Variants in ACCS observed in about 807,000 individuals in gnomAD.
ACCS encodes the protein 1-aminocyclopropane-1-carboxylate synthase homolog (inactive).
A neutral mutation model predicts 59.8 loss-of-function variants in ACCS; 42 were observed. That is an observed-to-expected ratio of 0.70 (90% confidence interval 0.55 to 0.91). The LOEUF is 0.91. Among genes scored for constraint, ACCS ranks in the 40% least tolerant of loss-of-function variants. The probability of loss-of-function intolerance (pLI) is 0.00; values close to 1 mark genes in which losing one functional copy is unlikely to be tolerated. For synonymous variants in ACCS, 230 were observed against 240.3 expected (o/e 0.96, Z 0.40); for missense variants, 602 against 630.4 (o/e 0.95, Z 0.48).
intron 7 of ACCS, 198 bp downstream of exon 7, chr11:44,077,574 T>G: frequency 6.9e-7 from 1 of 1,439,436 alleles, no homozygotes; most frequent in Non-Finnish European, 9.1e-7. Context: ...TCCCTGGGGT[T>G]GATGTAGAAG....
In ACCS at chr11:44,083,867, G is replaced by C. The variant is rs983405249; in HGVS notation, c.*75G>C. The C allele has an allele frequency of 1.3e-6, 2 of 1,541,118 alleles. No homozygotes were observed. The highest frequency in any genetic ancestry group is 2.7e-5 in the African/African-American group (2 of 72,898). ...GGGCGTTCTGGGGCTGCAGAAGACT[G>C]ACTGTGGATGTGCCATTTGCCAGGA... On this transcript the variant is annotated 3_prime_UTR_variant, in exon 15 of 15. Coordinates refer to ENST00000263776, the MANE Select transcript of ACCS (RefSeq NM_032592.4).
intron 10 of ACCS, chr11:44,080,584 AGCCAG>A: frequency 1.6e-5 from 3 of 182,760 alleles, no homozygotes; most frequent in South Asian, 1.3e-4. Flanking sequence ...TTTAATTTCT[AGCCAG>A]AAAAACCATT....
rs1340134745 is a variant in ACCS at position 44,067,975 on chromosome 11, C to T, written c.288+60C>T. ...GAGAACTGCAGGGTGGGGTACCCTACCTTGACCAATAAGGCAGCATCCAGC... is the reference window on the plus strand; with the variant it reads ...GAGAACTGCAGGGTGGGGTACCCTATCTTGACCAATAAGGCAGCATCCAGC... On this transcript the variant is annotated intron_variant, in intron 2 of 14. Coordinates refer to ENST00000263776, the MANE Select transcript of ACCS (RefSeq NM_032592.4). 6.6e-6 allele frequency: 10 copies of T among 1,510,824 alleles called. No individual in the cohort carries two copies. In the Admixed American group the frequency reaches 1.3e-4, roughly 20 times the overall value. The allele number at this position is 1,510,824 out of a possible 1,614,324, so 93.6% of individuals were successfully genotyped here. A position where few individuals can be genotyped will look rare whatever the true frequency, so the allele number is the denominator to read the frequency against.
chr11:44,076,299 G>A (rs1474440483), intron 6 of ACCS, among the ~76,000 whole-genome samples: 1 of 152,216 alleles, frequency 6.6e-6, no homozygotes, highest in Admixed American at 6.5e-5. Context: ...GAGAATATTA[G>A]TAACATTTAT....
intron 2 of ACCS, among the ~76,000 whole-genome samples, chr11:44,070,803 A>G (rs1011542028): frequency 6.6e-6 from 1 of 152,178 alleles, no homozygotes; most frequent in Non-Finnish European, 1.5e-5. Context: ...TACCATCTCT[A>G]TTCTTTCATT....
intron 12 of ACCS, 135 bp from the exon 13 acceptor site, chr11:44,083,034 C>T (rs1953709638): frequency 1.7e-6 from 2 of 1,200,264 alleles, no homozygotes; most frequent in Admixed American, 2.0e-5. Context: ...TCCTTCCCAC[C>T]ACAGCAGCCA....
At chr11:44,078,559 G>A in intron 8 of ACCS, 125 bp from the exon 9 acceptor site, 1 of 659,668 alleles carries the variant, frequency 1.5e-6, no homozygotes, top group Non-Finnish European at 2.6e-6. Flanking sequence ...TTTGCTTCAT[G>A]TTGTGTTATG....
At position 44,075,522 on chromosome 11, in the gene ACCS, T is replaced by C. The variant is rs1953314612; in HGVS notation, c.490-4T>C. On this transcript the variant is annotated splice_region_variant and splice_polypyrimidine_tract_variant and intron_variant, in intron 5 of 14. Coordinates refer to ENST00000263776, the MANE Select transcript of ACCS (RefSeq NM_032592.4). ...TCTTCATCCCTTGGATATGTCGCCC[T>C]TAGGTGGTTGTCCTGAATGGTGGTG... 1 of 1,614,020 alleles carries C rather than the reference T, an allele frequency of 6.2e-7. No homozygotes were observed.
intron 2 of ACCS, among the ~76,000 whole-genome samples, chr11:44,070,050 C>T (rs1952977164): frequency 1.3e-5 from 2 of 152,088 alleles, no homozygotes; most frequent in Non-Finnish European, 2.9e-5. Context: ...AGAGGGGCTA[C>T]TGGAGCTGGA....
In ACCS at chr11:44,074,674, C is replaced by G. The variant is rs1953221043; in HGVS notation, c.482C>G (p.Pro161Arg). The change falls in exon 5 of 15, where the codon CCA (proline) becomes CGA (arginine). Residue 161 changes from proline to arginine, a missense_variant. Pro to Arg is a moderately radical substitution (Grantham distance 103). Coordinates refer to ENST00000263776, the MANE Select transcript of ACCS (RefSeq NM_032592.4). ...TGCAAGAGCCCAGTACCCCTCAGAC[C>G]AGAGAATGTGAGTGGCCCCCTCCAC... ...FYCKSPVPLR[P>R]ENVVVLNGGA... is the part of the protein sequence containing the mutation. The G allele has an allele frequency of 6.8e-6, 11 of 1,609,260 alleles. No individual in the cohort carries two copies. Among genetic ancestry groups the G allele is most frequent in the Non-Finnish European group, 7.6e-6 (9 of 1,178,084 alleles).
In ACCS at chr11:44,083,166, C is replaced by T; in HGVS notation, c.1112-3C>T. ...GATCTTCTGGCCTCTTTCACCCAAA[C>T]AGACTGGATCAACCAGGTGTACCTG... On this transcript the variant is annotated splice_polypyrimidine_tract_variant and splice_region_variant and intron_variant, in intron 12 of 14. Transcript: ENST00000263776. The T allele has an allele frequency of 1.2e-6, 2 of 1,613,680 alleles. No homozygotes were observed. Among genetic ancestry groups the T allele is most frequent in the Non-Finnish European group, 1.7e-6 (2 of 1,179,708 alleles).
intron 12 of ACCS, 69 bp from the exon 13 acceptor site, chr11:44,083,100 A>G (rs1953712531): frequency 6.3e-7 from 1 of 1,585,134 alleles, no homozygotes. Flanking sequence ...TCTTTACAGC[A>G]TTTAGACTAG....
At chr11:44,073,586 T>A in intron 4 of ACCS, 69 bp downstream of exon 4, 2 of 1,490,580 alleles carry the variant, frequency 1.3e-6, no homozygotes, top group South Asian at 2.6e-5. Flanking sequence ...ACATTTTTGG[T>A]TGTTATAACT....
chr11:44,078,598 G>A (rs1332310951), intron 8 of ACCS, 86 bp from the exon 9 acceptor site: 3 of 1,153,352 alleles, frequency 2.6e-6, no homozygotes, highest in African/African-American at 1.5e-5. Flanking sequence ...CTCCCTGGGA[G>A]CCTTCCAGCG....
chr11:44,069,692 C>T lies in ACCS; in HGVS notation c.289-1564C>T, dbSNP rs80277233. ...ATTGGCAGGCTTCAGTCCTTCTCCA[C>T]GTGGGCTTCTTCACAGAATTGCCTC... On this transcript the variant is annotated intron_variant, in intron 2 of 14. Coordinates refer to ENST00000263776, the MANE Select transcript of ACCS (RefSeq NM_032592.4). Among the ~76,000 whole-genome samples the T allele has an allele frequency of 7.4e-3, 1,120 of 152,298 alleles. 69 individuals carry two copies. In the East Asian group the frequency reaches 0.16, roughly 22 times the overall value.
chr11:44,078,544 G>A (rs948156965), intron 8 of ACCS, 140 bp from the exon 9 acceptor site: 1 of 605,444 alleles, frequency 1.7e-6, no homozygotes, highest in Non-Finnish European at 2.9e-6. Context: ...TCTGTGTTCC[G>A]CTTGTTTGCT....
intron 8 of ACCS, 124 bp from the exon 9 acceptor site, chr11:44,078,560 T>G: frequency 1.5e-6 from 1 of 659,904 alleles, no homozygotes; most frequent in South Asian, 2.3e-5. Flanking sequence ...TTGCTTCATG[T>G]TGTGTTATGA....
At chr11:44,078,885 C>A in intron 9 of ACCS, 101 bp downstream of exon 9, 1 of 945,356 alleles carries the variant, frequency 1.1e-6, no homozygotes, top group Non-Finnish European at 1.6e-6. Flanking sequence ...CCACTGTGGG[C>A]TGCTACTTGC....
chr11:44,083,123 G>T (rs1317883720), intron 12 of ACCS, 46 bp from the exon 13 acceptor site: 1 of 1,593,738 alleles, frequency 6.3e-7, no homozygotes, highest in East Asian at 2.3e-5. Flanking sequence ...GGACCAAGTA[G>T]AGGGTTGATG....
Sources: gnomAD v4.1 joint callset for allele counts (sites outside exome capture counted in the v4.1 genomes callset) on GRCh38, gnomAD v4.1.1 for gene constraint, MANE v1.5 for transcripts, NCBI Gene and HGNC (gene_info 2026-07-23, HGNC 2026-07-21) for gene names.